Variants in THADA observed in about 807,000 individuals in gnomAD.
THADA encodes the protein THADA armadillo repeat containing.
Under a neutral mutation model 219.8 loss-of-function variants are expected in THADA, and 213 were observed. That is an observed-to-expected ratio of 0.97 (90% CI 0.87 to 1.09). THADA has a LOEUF of 1.09. THADA is among the 50% of genes least tolerant of loss of function. The pLI, the probability that THADA is intolerant of heterozygous loss-of-function variation, is 0.00. For missense variants in THADA, 2,956 were observed against 2,311.3 expected, an observed-to-expected ratio of 1.28 and a Z score of -5.72; for synonymous variants, 1,018 against 828.9, an observed-to-expected ratio of 1.23 and a Z score of -3.92.
At chr2:43,466,423 C>A (rs942099897) in intron 26 of THADA, among the ~76,000 whole-genome samples, 1 of 152,126 alleles carries the variant, frequency 6.6e-6, no homozygotes, top group Non-Finnish European at 1.5e-5. Context: ...GGAAGTTTTG[C>A]CTAACAGTCC....
intron 14 of THADA, among the ~76,000 whole-genome samples, chr2:43,567,836 G>A (rs577634677): frequency 9.9e-4 from 151 of 152,312 alleles, no homozygotes; most frequent in Non-Finnish European, 2.0e-3. Flanking sequence ...ATGGTTCCCA[G>A]TGAAGCTTCC....
intron 26 of THADA, among the ~76,000 whole-genome samples, chr2:43,455,953 T>C (rs759193839): frequency 6.6e-6 from 1 of 152,218 alleles, no homozygotes; most frequent in Non-Finnish European, 1.5e-5. Flanking sequence ...ATGACCTTAT[T>C]ACTAAGACCA....
At chr2:43,267,010 A>C (rs1671601806) in intron 36 of THADA, among the ~76,000 whole-genome samples, 1 of 152,146 alleles carries the variant, frequency 6.6e-6, no homozygotes, top group Admixed American at 6.5e-5. Context: ...TTCAATTAAA[A>C]AGCTATCTTT....
At chr2:43,280,906 C>A (rs1296321391) in intron 35 of THADA, among the ~76,000 whole-genome samples, 1 of 152,202 alleles carries the variant, frequency 6.6e-6, no homozygotes, top group African/African-American at 2.4e-5. Flanking sequence ...GGCTGTGATT[C>A]CCAACAGGAA....
chr2:43,238,492 A>G (rs1668294970), intron 36 of THADA, among the ~76,000 whole-genome samples: 1 of 152,214 alleles, frequency 6.6e-6, no homozygotes, highest in Non-Finnish European at 1.5e-5. Context: ...ATGTGGAGAA[A>G]TTGGAACCCT....
At chr2:43,463,159 T>TC (rs1683835457) in intron 26 of THADA, 1 of 152,224 alleles carries the variant, frequency 6.6e-6, no homozygotes, top group African/African-American at 2.4e-5. Context: ...TCTCTCTCTC[T>TC]TTTTTAGAGC....
chr2:43,426,322 T>C (rs1448000870), intron 28 of THADA, among the ~76,000 whole-genome samples: 1 of 152,208 alleles, frequency 6.6e-6, no homozygotes, highest in Non-Finnish European at 1.5e-5. Context: ...GACTGAGTAG[T>C]AAAAAGCTTC....
At chr2:43,347,970 AG>A (rs1489642202) in intron 29 of THADA, among the ~76,000 whole-genome samples, 2 of 152,140 alleles carry the variant, frequency 1.3e-5, no homozygotes, top group African/African-American at 4.8e-5. Flanking sequence ...GAAAAAAGCC[AG>A]GGGCAGTGTG....
At chr2:43,375,355 T>C (rs1052208401) in intron 29 of THADA, among the ~76,000 whole-genome samples, 17 of 152,352 alleles carry the variant, frequency 1.1e-4, no homozygotes, top group African/African-American at 3.8e-4. Flanking sequence ...AATGAAACTA[T>C]CAATGGAGCA....
chr2:43,451,518 A>C (rs545664868), intron 26 of THADA, among the ~76,000 whole-genome samples: 1 of 152,330 alleles, frequency 6.6e-6, no homozygotes, highest in African/African-American at 2.4e-5. Flanking sequence ...GAGACTAAAG[A>C]CTATCTAATT....
intron 23 of THADA, among the ~76,000 whole-genome samples, chr2:43,507,058 C>T (rs185395837): frequency 2.0e-5 from 3 of 152,238 alleles, no homozygotes; most frequent in African/African-American, 7.2e-5. Flanking sequence ...GTAGACAGTT[C>T]TTTTCCATAG....
intron 26 of THADA, among the ~76,000 whole-genome samples, chr2:43,460,074 G>T (rs1019153814): frequency 6.6e-6 from 1 of 151,948 alleles, no homozygotes; most frequent in African/African-American, 2.4e-5. Context: ...TACTGGAAAA[G>T]TCAGTAACTA....
At chr2:43,342,080 T>A (rs922939734) in intron 30 of THADA, among the ~76,000 whole-genome samples, 36 of 152,122 alleles carry the variant, frequency 2.4e-4, no homozygotes, top group African/African-American at 8.5e-4. Flanking sequence ...CCAGGCATAG[T>A]GGCGTGTGCC....
intron 28 of THADA, among the ~76,000 whole-genome samples, chr2:43,413,255 T>A (rs188470742): frequency 1.3e-5 from 2 of 152,108 alleles, no homozygotes; most frequent in African/African-American, 4.8e-5. Context: ...CCAGGTAACA[T>A]GTTTGCAGGG....
At chr2:43,398,369 T>A (rs993035788) in intron 28 of THADA, among the ~76,000 whole-genome samples, 1 of 152,198 alleles carries the variant, frequency 6.6e-6, no homozygotes. Context: ...AGATTAAATG[T>A]AGACAGGCTT....
chr2:43,414,938 C>T (rs2104770828), intron 28 of THADA, among the ~76,000 whole-genome samples: 1 of 152,180 alleles, frequency 6.6e-6, no homozygotes, highest in South Asian at 2.1e-4. Flanking sequence ...TCTTTCCCTG[C>T]CAGAAAGGAG....
chr2:43,416,194 C>T (rs1676948111), intron 28 of THADA, among the ~76,000 whole-genome samples: 1 of 152,192 alleles, frequency 6.6e-6, no homozygotes, highest in South Asian at 2.1e-4. Flanking sequence ...CAAACCAATG[C>T]TACCCACACA....
intron 25 of THADA, among the ~76,000 whole-genome samples, chr2:43,493,470 G>A (rs994848800): frequency 6.6e-6 from 1 of 152,150 alleles, no homozygotes; most frequent in Admixed American, 6.5e-5. Flanking sequence ...ACTCCAGCCT[G>A]GCGACAGAGC....
Position 43,293,288 on chromosome 2 carries a change from A to G in THADA, c.4439-75T>C, listed in dbSNP as rs1023701115. The G allele has an allele frequency of 2.0e-6, 3 of 1,487,074 alleles. No individual in the cohort carries two copies. The South Asian group carries it at 4.0e-5, about 20-fold the overall frequency. The allele number at this position is 1,487,074 out of a possible 1,614,324, so 92.1% of individuals were successfully genotyped here. A position where few individuals can be genotyped will look rare whatever the true frequency, so the allele number is the denominator to read the frequency against. On this transcript the variant is annotated intron_variant, in intron 31 of 37. Coordinates refer to ENST00000405975, the MANE Select transcript of THADA (RefSeq NM_022065.5). ...CACAAAAGGACATGAAAGAATGAAG[A>G]CTGAATCCACTGCGTGAGGCCATCA... is the stretch of plus-strand genomic sequence containing the variant.
Sources: allele counts gnomAD v4.1 joint callset (sites outside exome capture counted in the v4.1 genomes callset), GRCh38; gene constraint gnomAD v4.1.1; transcripts MANE v1.5; gene names NCBI Gene and HGNC (gene_info 2026-07-23, HGNC 2026-07-21).